CLCN7: variants seen among roughly 807,000 people sequenced by gnomAD.
The protein encoded by CLCN7 is H(+)/Cl(-) exchange transporter 7.
In CLCN7, 60 loss-of-function variants were observed where a neutral mutation model predicts 102.1. That is an observed-to-expected ratio of 0.59 (90% CI 0.48 to 0.73). CLCN7 has a LOEUF of 0.73. CLCN7 is among the 30% of genes least tolerant of loss of function. The pLI is 0.00. For synonymous variants in CLCN7, 560 were observed against 490.5 expected (o/e 1.14, Z -1.87); for missense variants, 962 against 1,125.7 (o/e 0.85, Z 2.08).
At chr16:1,449,407 G>T in intron 17 of CLCN7, 80 bp from the exon 18 acceptor site, 1 of 1,378,014 alleles carries the variant, frequency 7.3e-7, no homozygotes, top group Non-Finnish European at 1.0e-6. Flanking sequence ...AGGAGGCCCT[G>T]CCCAGGCCCA....
At position 1,474,933 on chromosome 16, in the gene CLCN7, G is replaced by A. The variant is rs747186872; in HGVS notation, c.42C>T (p.Asp14=). ...GCGGCGCCGCCTCCTCGTCGTCCCG[G>A]TCCCGGCCGGACCAGGACACCTTCT... The part of the protein sequence containing the change: ...VSKKVSWSGR[D]RDDEEAAPLL... The change falls in exon 1 of 25, where the codon GAC becomes GAT. Residue 14 remains aspartate (D), a synonymous_variant. Transcript: ENST00000382745. 13 of 1,482,966 alleles carry A rather than the reference G, an allele frequency of 8.8e-6. No homozygotes were observed. In the Admixed American group the frequency reaches 2.2e-4, roughly 25 times the overall value. 91.9% of individuals were successfully genotyped at this position (1,482,966 alleles called of 1,614,324 possible). A position where few individuals can be genotyped will look rare whatever the true frequency, so the allele number is the denominator to read the frequency against.
chr16:1,450,391 A>AACCACGCGAG, intron 17 of CLCN7, 106 bp downstream of exon 17: 1 of 1,177,742 alleles, frequency 8.5e-7, no homozygotes, highest in South Asian at 1.3e-5. Flanking sequence ...GAACCACGTG[A>AACCACGCGAG]GGTGCGACAC....
intron 1 of CLCN7, chr16:1,471,841 C>A (rs2039082385): frequency 1.3e-5 from 2 of 152,276 alleles, no homozygotes; most frequent in South Asian, 4.1e-4. Flanking sequence ...AGGCTGGGGC[C>A]CTTCAGGAAT....
Position 1,448,463 on chromosome 16 carries a change from C to T in CLCN7, c.1905G>A (p.Val635=). 1 of 1,610,986 alleles carries T rather than the reference C, an allele frequency of 6.2e-7. No homozygotes were observed. The highest frequency in any genetic ancestry group is 8.5e-7 in the Non-Finnish European group (1 of 1,179,964). The stretch of plus-strand genomic sequence containing the variant: ...CCTTCTCACGCCGCCTCAGGCAGGT[C>T]ACTGGTGTGCTCATCACCTCCCTGC... ...LTAREVMSTP[V]TCLRRREKVG... is the part of the protein sequence containing the mutation. The change falls in exon 21 of 25, where the codon GTG becomes GTA. Residue 635 remains valine (V), a synonymous_variant. Coordinates refer to ENST00000382745, the MANE Select transcript of CLCN7 (RefSeq NM_001287.6).
At position 1,457,761 on chromosome 16, in the gene CLCN7, A is replaced by G; in HGVS notation, c.676-5T>C. The stretch of plus-strand genomic sequence containing the variant: ...GGACACTTTGATCACCAACGTCTGA[A>G]ACACAGGGAGACGCATGGCCTCTGA... On this transcript the variant is annotated splice_region_variant and splice_polypyrimidine_tract_variant and intron_variant, in intron 7 of 24. Transcript: ENST00000382745. This position sits in a 1 kb window ranked among gnomAD's most constrained non-coding sequence, Gnocchi z 5.4. 1 of 1,613,800 alleles carries G rather than the reference A, an allele frequency of 6.2e-7. No homozygotes were observed.
chr16:1,452,971 CCT>C, intron 14 of CLCN7, 78 bp from the exon 15 acceptor site: 1 of 1,532,276 alleles, frequency 6.5e-7, no homozygotes, highest in Non-Finnish European at 8.8e-7. Flanking sequence ...AACTCGAGTC[CCT>C]GATGGAGGAC....
At chr16:1,456,838 CAAA>C (rs34329111) in intron 9 of CLCN7, among the ~76,000 whole-genome samples, 4 of 107,910 alleles carry the variant, frequency 3.7e-5, no homozygotes, top group Non-Finnish European at 1.9e-5. Flanking sequence ...GACTCCATCT[CAAA>C]AAAAAAAAAA....
At chr16:1,464,476 CG>C (rs1278297642) in intron 2 of CLCN7, among the ~76,000 whole-genome samples, 1 of 152,272 alleles carries the variant, frequency 6.6e-6, no homozygotes, top group Non-Finnish European at 1.5e-5. Context: ...GCAGCACAAA[CG>C]TATCAGAAGG....
chr16:1,470,033 G>A (rs937914784), intron 1 of CLCN7, among the ~76,000 whole-genome samples: 1 of 152,264 alleles, frequency 6.6e-6, no homozygotes, highest in Admixed American at 6.5e-5. Context: ...ATGGCAACGA[G>A]GGGGCTGGGC....
At chr16:1,463,394 G>A (rs896651144) in intron 2 of CLCN7, among the ~76,000 whole-genome samples, 2 of 152,166 alleles carry the variant, frequency 1.3e-5, no homozygotes, top group African/African-American at 4.8e-5. Flanking sequence ...TCCTCAGGAA[G>A]AAGCTGAAAC....
rs575486443 is a variant in CLCN7 at position 1,461,740 on chromosome 16, A to G, written c.214-66T>C. The G allele has an allele frequency of 4.2e-5, 56 of 1,332,068 alleles. 2 individuals carry two copies. In the South Asian group the frequency reaches 5.5e-4, roughly 13 times the overall value. 82.5% of individuals were successfully genotyped at this position (1,332,068 alleles called of 1,614,324 possible). A position where few individuals can be genotyped will look rare whatever the true frequency, so the allele number is the denominator to read the frequency against. On this transcript the variant is annotated intron_variant, in intron 2 of 24. Coordinates refer to ENST00000382745, the MANE Select transcript of CLCN7 (RefSeq NM_001287.6). ...GGCCACAAGGAGAGAGGCCCCTCTC[A>G]GCTCACACACGAGGCCATTATCATC...
At chr16:1,451,930 A>G in intron 15 of CLCN7, 1 of 583,688 alleles carries the variant, frequency 1.7e-6, no homozygotes. Flanking sequence ...AAAGGAGGAC[A>G]CACACGGCCT....
At position 1,456,177 on chromosome 16, in the gene CLCN7, C is replaced by T. The variant is rs1179230589; in HGVS notation, c.852G>A (p.Glu284=). 2 of 1,567,442 alleles carry T rather than the reference C, an allele frequency of 1.3e-6. No individual in the cohort carries two copies. The highest frequency in any genetic ancestry group is 2.4e-5 in the East Asian group (1 of 42,112). The part of the protein sequence containing the change: ...KIFEYFRRDT[E]KRDFVSAGAA... ...CCCCTGCGGAGACGAAGTCCCGCTT[C>T]TCTGTGTCTCTGCGGAAGTACTCGA... is the stretch of plus-strand genomic sequence containing the variant. The change falls in exon 10 of 25, where the codon GAG becomes GAA. Residue 284 remains glutamate (E), a synonymous_variant. Transcript: ENST00000382745.
rs930394724 is a variant in CLCN7, at chr16:1,445,182, G to T, written c.*1449C>A. The stretch of plus-strand genomic sequence containing the variant: ...CCAGAGGAGGGAGGCTGAGGGGCGG[G>T]GACGAGGAAGAGGATGTGGCTGGTG... On this transcript the variant is annotated 3_prime_UTR_variant, in exon 25 of 25. Transcript: ENST00000382745. 6.6e-6 allele frequency: 1 copy of T among 152,144 alleles called. No homozygotes were observed. Among genetic ancestry groups the T allele is most frequent in the Non-Finnish European group, 1.5e-5 (1 of 68,086 alleles). The allele number at this position is 152,144 out of a possible 1,614,324, so 9.4% of individuals were successfully genotyped here. A position where few individuals can be genotyped will look rare whatever the true frequency, so the allele number is the denominator to read the frequency against.
chr16:1,457,203 G>A lies in CLCN7; in HGVS notation c.822+51C>T, dbSNP rs757016933. The A allele has an allele frequency of 1.4e-5, 21 of 1,512,452 alleles. No individual in the cohort carries two copies. Among genetic ancestry groups the A allele is most frequent in the Middle Eastern group, 1.7e-4 (1 of 5,884 alleles). 93.7% of individuals were successfully genotyped at this position (1,512,452 alleles called of 1,614,324 possible). ...AAGCCCATCTCCCTGAGTGGTGCCC[G>A]TGCCCGTGCCCATGGCATCTGGAGC... On this transcript the variant is annotated intron_variant, in intron 9 of 24. Transcript: ENST00000382745. The surrounding 1 kb of genome is among the most constrained non-coding windows in gnomAD (Gnocchi z 5.4).
Position 1,450,648 on chromosome 16 carries a change from G to A in CLCN7, c.1466C>T (p.Thr489Ile). ...GTAGACCAGCGTGAACAGGCCGAGG[G>A]TCAGGGGGTTGTAGGAGCCTAGGAG... ...HDPPGSYNPL[T>I]LGLFTLVYFF... The change falls in exon 17 of 25, where the codon ACC (threonine) becomes ATC (isoleucine). Residue 489 changes from threonine (T) to isoleucine (I), a missense_variant. By Grantham distance (89) the Thr-to-Ile change is moderately conservative. Transcript: ENST00000382745. 6.2e-7 allele frequency: 1 copy of A among 1,611,646 alleles called. No individual in the cohort carries two copies. Among genetic ancestry groups the A allele is most frequent in the Non-Finnish European group, 8.5e-7 (1 of 1,179,152 alleles).
intron 1 of CLCN7, chr16:1,474,416 T>A: frequency 3.0e-6 from 1 of 337,256 alleles, no homozygotes; most frequent in Non-Finnish European, 5.8e-6. Context: ...TCCCAGGGGG[T>A]CAAAAACGCA....
intron 21 of CLCN7, 76 bp from the exon 22 acceptor site, chr16:1,447,790 C>T: frequency 6.8e-7 from 1 of 1,473,096 alleles, no homozygotes; most frequent in African/African-American, 1.4e-5. Flanking sequence ...TCGGGCCCCG[C>T]TCTGACCCTG....
intron 1 of CLCN7, among the ~76,000 whole-genome samples, chr16:1,471,128 G>A (rs994273072): frequency 2.0e-5 from 3 of 152,152 alleles, no homozygotes; most frequent in Non-Finnish European, 4.4e-5. Context: ...AACAGGAACA[G>A]CAACCCACAG....
Sources: allele counts gnomAD v4.1 joint callset (sites outside exome capture counted in the v4.1 genomes callset), GRCh38; gene constraint gnomAD v4.1.1; non-coding constraint Gnocchi (gnomAD v3.1); transcripts MANE v1.5; gene names NCBI Gene and HGNC (gene_info 2026-07-23, HGNC 2026-07-21).